Variants in SORBS2 observed in about 807,000 individuals in gnomAD.
SORBS2 encodes sorbin and SH3 domain containing 2.
A neutral mutation model predicts 97.7 loss-of-function variants in SORBS2; 46 were observed. The observed-to-expected ratio is 0.47, with a 90% CI of 0.37 to 0.60. SORBS2 has a LOEUF of 0.60. Among genes scored for constraint, SORBS2 ranks in the 20% least tolerant of loss-of-function variants. SORBS2 has a pLI of 0.00. For missense variants in SORBS2, 1,316 were observed against 1,282.3 expected (o/e 1.03, Z -0.40); for synonymous variants, 476 against 473.4 (o/e 1.01, Z -0.07).
At chr4:185,875,093 T>C (rs2099232746) in intron 1 of SORBS2, among the ~76,000 whole-genome samples, 1 of 152,156 alleles carries the variant, frequency 6.6e-6, no homozygotes, top group African/African-American at 2.4e-5. Context: ...CTACTTGTTT[T>C]ATAGAACATC....
chr4:185,690,426 A>T, intron 2 of SORBS2, 136 bp downstream of exon 4: 1 of 472,532 alleles, frequency 2.1e-6, no homozygotes, highest in Non-Finnish European at 3.7e-6. Flanking sequence ...AAAGAAAGTA[A>T]TGAATCTATG....
chr4:185,685,230 T>G (rs892916853), intron 2 of SORBS2, among the ~76,000 whole-genome samples: 1 of 152,242 alleles, frequency 6.6e-6, no homozygotes, highest in African/African-American at 2.4e-5. Context: ...ATTAGCTCCA[T>G]GTCAGGATTA....
Position 185,950,327 on chromosome 4 carries a change from A to G in SORBS2, c.-338+5869T>C, listed in dbSNP as rs116517687. ...CAGCTCAACACTGAATCAATTTTTG[A>G]TAGTGAATTAGGAAGTAATCCCAGA... is the stretch of plus-strand genomic sequence containing the variant. On this transcript the variant is annotated intron_variant, in intron 1 of 20. Coordinates refer to the SORBS2 transcript ENST00000284776. Among the ~76,000 whole-genome samples, 324 of 152,276 alleles carry G rather than the reference A, an allele frequency of 2.1e-3. 3 individuals carry two copies. Among genetic ancestry groups the G allele is most frequent in the African/African-American group, 7.5e-3 (311 of 41,564 alleles).
At chr4:185,904,013 C>T (rs2099249252) in intron 1 of SORBS2, among the ~76,000 whole-genome samples, 1 of 152,192 alleles carries the variant, frequency 6.6e-6, no homozygotes, top group African/African-American at 2.4e-5. Flanking sequence ...AATTTACTCT[C>T]TTGGCAATTG....
At chr4:185,878,495 C>A (rs925022613) in intron 1 of SORBS2, among the ~76,000 whole-genome samples, 1 of 152,118 alleles carries the variant, frequency 6.6e-6, no homozygotes, top group Non-Finnish European at 1.5e-5. Flanking sequence ...GGAGCCGTAC[C>A]TGGCGCCTCG....
In SORBS2 at chr4:185,734,361, C is replaced by T. The variant is rs116284151; in HGVS notation, c.-198+40866G>A. On this transcript the variant is annotated intron_variant, in intron 2 of 20. Transcript: ENST00000284776. Reference sequence around the variant, plus strand: ...CTTACTGTTTTTAGTTTGTTACATACTACAATTAGTCACCATTAGCTAATT... The same window carrying T: ...CTTACTGTTTTTAGTTTGTTACATATTACAATTAGTCACCATTAGCTAATT... 1.3e-3 allele frequency among the ~76,000 whole-genome samples: 197 copies of T among 152,312 alleles called. 1 individual carries two copies. Among genetic ancestry groups the T allele is most frequent in the African/African-American group, 4.6e-3 (191 of 41,570 alleles).
intron 2 of SORBS2, among the ~76,000 whole-genome samples, chr4:185,704,890 G>A (rs1362278490): frequency 2.0e-5 from 3 of 152,210 alleles, no homozygotes; most frequent in Admixed American, 6.5e-5. Context: ...GTGGGCAGAT[G>A]GGAGTCTCTG....
At chr4:185,640,246 A>G (rs574510463) in intron 4 of SORBS2, among the ~76,000 whole-genome samples, 82 of 152,354 alleles carry the variant, frequency 5.4e-4, no homozygotes, top group South Asian at 3.1e-3. Flanking sequence ...TGAGATACCA[A>G]GCAGTCAAAA....
chr4:185,815,221 T>C (rs2099192557), intron 1 of SORBS2, among the ~76,000 whole-genome samples: 1 of 152,254 alleles, frequency 6.6e-6, no homozygotes, highest in Non-Finnish European at 1.5e-5. Flanking sequence ...CATCTTTTCA[T>C]TGTTGATGGT....
intron 3 of SORBS2, among the ~76,000 whole-genome samples, chr4:185,648,708 G>A (rs2097258508): frequency 6.6e-6 from 1 of 152,124 alleles, no homozygotes; most frequent in South Asian, 2.1e-4. Flanking sequence ...TTGGACCCTG[G>A]CTTGGACATA....
chr4:185,914,043 TTTGAGTACCAAAACAAGTATG>T (rs1369258908), intron 1 of SORBS2, among the ~76,000 whole-genome samples: 2 of 152,214 alleles, frequency 1.3e-5, no homozygotes, highest in East Asian at 3.9e-4. Context: ...AATAAGAAAT[TTTGAGTACCAAAACAAGTATG>T]TTTTAAAGTA....
chr4:185,841,830 T>C (rs1398595336), intron 1 of SORBS2, among the ~76,000 whole-genome samples: 1 of 152,238 alleles, frequency 6.6e-6, no homozygotes, highest in Non-Finnish European at 1.5e-5. Flanking sequence ...TACTAAATTC[T>C]TTCTTGCTTA....
chr4:185,799,206 G>A (rs553018049), intron 1 of SORBS2, among the ~76,000 whole-genome samples: 1 of 152,188 alleles, frequency 6.6e-6, no homozygotes, highest in East Asian at 1.9e-4. Flanking sequence ...TCAGTTACAG[G>A]TTGTGAGCCT....
At chr4:185,709,104 G>A (rs1324546105) in intron 2 of SORBS2, among the ~76,000 whole-genome samples, 4 of 152,082 alleles carry the variant, frequency 2.6e-5, no homozygotes, top group Admixed American at 6.5e-5. Context: ...TGCAACCTCC[G>A]CCTCTCGGGT....
At chr4:185,884,738 GA>G (rs1372079135) in intron 1 of SORBS2, among the ~76,000 whole-genome samples, 1 of 152,192 alleles carries the variant, frequency 6.6e-6, no homozygotes, top group East Asian at 1.9e-4. Flanking sequence ...TGACTCCTAA[GA>G]GGTTTCCAAC....
intron 4 of SORBS2, among the ~76,000 whole-genome samples, chr4:185,676,155 A>G (rs961148625): frequency 2.0e-5 from 3 of 152,230 alleles, no homozygotes; most frequent in Non-Finnish European, 4.4e-5. Flanking sequence ...AGCCTAGTCT[A>G]TGGTAATTCC....
At chr4:185,856,034 T>A (rs2099220452) in intron 1 of SORBS2, among the ~76,000 whole-genome samples, 1 of 152,242 alleles carries the variant, frequency 6.6e-6, no homozygotes, top group Non-Finnish European at 1.5e-5. Context: ...AACACTGTTG[T>A]ATTTTCCACT....
chr4:185,834,826 T>C (rs1204454880), intron 1 of SORBS2, among the ~76,000 whole-genome samples: 1 of 152,184 alleles, frequency 6.6e-6, no homozygotes, highest in East Asian at 1.9e-4. Flanking sequence ...TCCAAAGATG[T>C]TTATAAGTCA....
chr4:185,860,166 G>T (rs546449630), intron 1 of SORBS2, among the ~76,000 whole-genome samples: 2 of 152,292 alleles, frequency 1.3e-5, no homozygotes, highest in African/African-American at 4.8e-5. Flanking sequence ...AAGAGCAAGA[G>T]AAAGAAAACT....
Sources: allele counts gnomAD v4.1 joint callset (sites outside exome capture counted in the v4.1 genomes callset), GRCh38; gene constraint gnomAD v4.1.1; transcripts MANE v1.5; gene names NCBI Gene and HGNC (gene_info 2026-07-23, HGNC 2026-07-21).